The following PCDH7 variants were observed in gnomAD, a reference collection of about 807,000 sequenced individuals.
PCDH7 encodes the protein protocadherin 7.
In PCDH7, 17 loss-of-function variants were observed where a neutral mutation model predicts 58.9. The ratio of observed to expected loss-of-function variants is 0.29; its 90% confidence interval spans 0.20 to 0.43. The LOEUF (loss-of-function observed/expected upper bound fraction) is 0.43. Among genes scored for constraint, PCDH7 ranks in the 20% least tolerant of loss-of-function variants. The probability of loss-of-function intolerance (pLI) is 1.00; values close to 1 mark genes in which losing one functional copy is unlikely to be tolerated. For missense variants in PCDH7, 1,274 were observed against 1,441.0 expected, an observed-to-expected ratio of 0.88 and a Z score of 1.88; for synonymous variants, 664 against 616.4, an observed-to-expected ratio of 1.08 and a Z score of -1.14.
chr4:30,832,058 G>C (rs1243410399), intron 1 of PCDH7, among the ~76,000 whole-genome samples: 1 of 152,114 alleles, frequency 6.6e-6, no homozygotes, highest in Admixed American at 6.6e-5. Flanking sequence ...ACTCATACAT[G>C]ACTCAATGAG....
At chr4:31,086,934 A>T (rs530476489) in intron 3 of PCDH7, among the ~76,000 whole-genome samples, 21 of 152,202 alleles carry the variant, frequency 1.4e-4, no homozygotes, top group Non-Finnish European at 2.9e-4. Context: ...CAAGAATACC[A>T]TCTGTTGAAT....
At chr4:31,115,233 A>G (rs1716848248) in intron 3 of PCDH7, among the ~76,000 whole-genome samples, 1 of 152,238 alleles carries the variant, frequency 6.6e-6, no homozygotes, top group Non-Finnish European at 1.5e-5. Context: ...ATAATTGCAA[A>G]GAGGCTTATG....
In PCDH7 at chr4:31,139,446, A is replaced by T. The variant is rs1033696836; in HGVS notation, c.*8-3027A>T. ...TAGAAAAGACATCCTTCAGTGAAAG[A>T]CTAAGAAGAGTTACTAATTGTGAAA... is the stretch of plus-strand genomic sequence containing the variant. On this transcript the variant is annotated intron_variant, in intron 3 of 3. Transcript: ENST00000509759. 3.3e-5 allele frequency among the ~76,000 whole-genome samples: 5 copies of T among 152,344 alleles called. No individual in the cohort carries two copies. The East Asian group carries it at 9.6e-4, about 29-fold the overall frequency.
intron 1 of PCDH7, among the ~76,000 whole-genome samples, chr4:30,738,518 C>A (rs966513076): frequency 2.0e-5 from 3 of 152,156 alleles, no homozygotes; most frequent in African/African-American, 7.2e-5. Flanking sequence ...TTATTAGGCA[C>A]ATCACTGACT....
At position 30,721,097 on chromosome 4, in the gene PCDH7, C is replaced by A. The variant is rs1022741968; in HGVS notation, c.-326C>A. 7.0e-5 allele frequency: 22 copies of A among 313,326 alleles called. 1 individual carries two copies. Among genetic ancestry groups the A allele is most frequent in the Admixed American group, 6.7e-4 (14 of 20,820 alleles). 19.4% of individuals were successfully genotyped at this position (313,326 alleles called of 1,614,324 possible). On this transcript the variant is annotated 5_prime_UTR_variant, in exon 1 of 2. Transcript: ENST00000361762. The surrounding 1 kb of genome is among the most constrained non-coding windows in gnomAD (Gnocchi z 6.7). The stretch of plus-strand genomic sequence containing the variant: ...ACTCTGGGTTGGGGGAGCGCCGAAC[C>A]CGCGGCGCGCAGTGTCCCGTGAACT...
rs149681441 is a variant in PCDH7 at position 31,066,394 on chromosome 4, G to T, written c.*8-76079G>T. Among the ~76,000 whole-genome samples, 3 of 151,898 alleles carry T rather than the reference G, an allele frequency of 2.0e-5. No individual in the cohort carries two copies. In the East Asian group the frequency reaches 5.8e-4, roughly 29 times the overall value. Reference sequence around the variant, plus strand: ...CACCCCTCCTTCAAAAAAAGACTTAGATCTATCTTTTTTCTGCCCAAACAC... The same window carrying T: ...CACCCCTCCTTCAAAAAAAGACTTATATCTATCTTTTTTCTGCCCAAACAC... On this transcript the variant is annotated intron_variant, in intron 3 of 3. Transcript: ENST00000509759.
At chr4:31,090,249 G>T (rs146089086) in intron 3 of PCDH7, among the ~76,000 whole-genome samples, 1 of 151,980 alleles carries the variant, frequency 6.6e-6, no homozygotes, top group African/African-American at 2.4e-5. Flanking sequence ...TGAAAAAAAA[G>T]GAATTCTTTT....
In PCDH7 at chr4:30,723,018, G is replaced by A. The variant is rs539451009; in HGVS notation, c.1596G>A (p.Pro532=). 1 of 1,613,766 alleles carries A rather than the reference G, an allele frequency of 6.2e-7. No homozygotes were observed. Among genetic ancestry groups the A allele is most frequent in the African/African-American group, 1.3e-5 (1 of 74,928 alleles). The change falls in exon 1 of 2, where the codon CCG becomes CCA. Residue 532 remains proline (P), a synonymous_variant. Coordinates refer to ENST00000361762, the Ensembl canonical transcript of PCDH7. This position sits in a 1 kb window ranked among gnomAD's most constrained non-coding sequence, Gnocchi z 4.6. ...AGGTGGGAGACACCAACGACAACCC[G>A]CCCATGTTCGGCCAGTCGGTGGTGG... is the stretch of plus-strand genomic sequence containing the variant.
chr4:30,820,833 G>T (rs990530682), intron 1 of PCDH7, among the ~76,000 whole-genome samples: 1 of 151,988 alleles, frequency 6.6e-6, no homozygotes, highest in Non-Finnish European at 1.5e-5. Flanking sequence ...GACACATGAA[G>T]AAAATGCAAT....
chr4:31,008,949 C>T (rs184649627), intron 3 of PCDH7, among the ~76,000 whole-genome samples: 620 of 152,180 alleles, frequency 4.1e-3, no homozygotes, highest in Non-Finnish European at 7.0e-3. Flanking sequence ...TTACCTACTA[C>T]TGCCACACTG....
At chr4:31,013,413 C>T (rs1330280460) in intron 3 of PCDH7, among the ~76,000 whole-genome samples, 2 of 150,018 alleles carry the variant, frequency 1.3e-5, no homozygotes, top group Non-Finnish European at 3.0e-5. Flanking sequence ...ATATTATATA[C>T]ACGTATATAT....
intron 1 of PCDH7, among the ~76,000 whole-genome samples, chr4:30,798,941 T>A (rs1198593026): frequency 6.6e-6 from 1 of 152,258 alleles, no homozygotes; most frequent in Admixed American, 6.5e-5. Context: ...GCAAATAGTA[T>A]GAATATGAGT....
intron 1 of PCDH7, among the ~76,000 whole-genome samples, chr4:30,880,989 CAA>C (rs1736892496): frequency 6.6e-6 from 1 of 152,058 alleles, no homozygotes; most frequent in Non-Finnish European, 1.5e-5. Flanking sequence ...GTGGACTCCC[CAA>C]AGTCAGATTT....
chr4:30,812,171 G>C (rs2109314418), intron 1 of PCDH7, among the ~76,000 whole-genome samples: 1 of 152,222 alleles, frequency 6.6e-6, no homozygotes, highest in East Asian at 1.9e-4. Flanking sequence ...AAACAAAACT[G>C]TTTAAAAGTT....
chr4:30,730,413 G>T (rs1007957249), intron 1 of PCDH7, among the ~76,000 whole-genome samples: 2 of 152,118 alleles, frequency 1.3e-5, no homozygotes, highest in Non-Finnish European at 2.9e-5. Flanking sequence ...GAAGAATTGA[G>T]CTGAAACCAC....
At chr4:31,008,033 T>A (rs1322021658) in intron 3 of PCDH7, among the ~76,000 whole-genome samples, 4 of 152,042 alleles carry the variant, frequency 2.6e-5, no homozygotes, top group East Asian at 3.9e-4. Context: ...GAGAATGTCA[T>A]GAAAAGTCGA....
intron 3 of PCDH7, among the ~76,000 whole-genome samples, chr4:31,083,483 TC>T (rs1211509889): frequency 6.6e-6 from 1 of 152,216 alleles, no homozygotes; most frequent in African/African-American, 2.4e-5. Flanking sequence ...AATCATGTCT[TC>T]CTTGAGATTT....
chr4:30,774,863 A>G (rs1167792355), intron 1 of PCDH7, among the ~76,000 whole-genome samples: 2 of 152,188 alleles, frequency 1.3e-5, no homozygotes, highest in African/African-American at 2.4e-5. Flanking sequence ...GGAGTAATTC[A>G]TATGCTTTTT....
At chr4:30,934,669 CA>C (rs1358777175) in intron 2 of PCDH7, among the ~76,000 whole-genome samples, 1 of 152,104 alleles carries the variant, frequency 6.6e-6, no homozygotes, top group Non-Finnish European at 1.5e-5. Flanking sequence ...GTTTCTCTAC[CA>C]AAAGTCATTA....
Sources: gnomAD v4.1 joint callset for allele counts (sites outside exome capture counted in the v4.1 genomes callset) on GRCh38, gnomAD v4.1.1 for gene constraint, Gnocchi (gnomAD v3.1) non-coding constraint, MANE v1.5 for transcripts, NCBI Gene and HGNC (gene_info 2026-07-23, HGNC 2026-07-21) for gene names.